Variants in SORCS3 observed in about 807,000 individuals in gnomAD.
The protein encoded by SORCS3 is sortilin related VPS10 domain containing receptor 3, also known as VPS10 domain-containing receptor SorCS3.
SORCS3 carries 57 observed loss-of-function variants against 146.3 expected under a neutral mutation model. That is an observed-to-expected ratio of 0.39 (90% confidence interval 0.31 to 0.49). The LOEUF (loss-of-function observed/expected upper bound fraction) is 0.49. Among genes scored for constraint, SORCS3 ranks in the 20% least tolerant of loss-of-function variants. The pLI is 0.92. For missense variants in SORCS3, 1,341 were observed against 1,575.5 expected (o/e 0.85, Z 2.52); for synonymous variants, 653 against 618.5 (o/e 1.06, Z -0.83).
intron 1 of SORCS3, among the ~76,000 whole-genome samples, chr10:104,795,622 C>T (rs547643352): frequency 6.6e-6 from 1 of 152,180 alleles, no homozygotes; most frequent in South Asian, 2.1e-4. Context: ...GCATTCCTGC[C>T]TTGTCACTAA....
At position 105,167,350 on chromosome 10, in the gene SORCS3, G is replaced by A; in HGVS notation, c.1901+1G>A. 1.2e-6 allele frequency: 2 copies of A among 1,612,498 alleles called. No individual in the cohort carries two copies. The highest frequency in any genetic ancestry group is 1.7e-6 in the Non-Finnish European group (2 of 1,178,870). On this transcript the variant is annotated splice_donor_variant, in intron 13 of 26. Coordinates refer to ENST00000369701, the MANE Select transcript of SORCS3 (RefSeq NM_014978.3). LOFTEE classifies it high-confidence loss of function. ...CACCTCTGCCAGTCAGGCATTTGTG[G>A]TAAGGAGAGCTCCCTACCCTATTAA...
At chr10:105,194,888 T>G (rs2119601257) in intron 14 of SORCS3, among the ~76,000 whole-genome samples, 1 of 152,298 alleles carries the variant, frequency 6.6e-6, no homozygotes, top group East Asian at 1.9e-4. Context: ...GTACCTCAAA[T>G]GTACTAATAA....
At chr10:104,756,845 G>A (rs530005795) in intron 1 of SORCS3, among the ~76,000 whole-genome samples, 8 of 152,308 alleles carry the variant, frequency 5.3e-5, no homozygotes, top group African/African-American at 1.9e-4. Context: ...CTGTGCTAGT[G>A]TATGGGGAAC....
intron 11 of SORCS3, among the ~76,000 whole-genome samples, chr10:105,163,170 A>C (rs1314043861): frequency 6.6e-6 from 1 of 152,218 alleles, no homozygotes; most frequent in East Asian, 1.9e-4. Flanking sequence ...CAAGTTGGCT[A>C]TCTGTGTGCT....
chr10:104,892,941 C>T (rs188305271), intron 2 of SORCS3, among the ~76,000 whole-genome samples: 1 of 152,202 alleles, frequency 6.6e-6, no homozygotes, highest in East Asian at 1.9e-4. Flanking sequence ...CCCTAGGATC[C>T]TCATACATGC....
At chr10:105,201,397 A>G (rs775021442) in intron 16 of SORCS3, 144 bp downstream of exon 16, 4 of 1,010,744 alleles carry the variant, frequency 4.0e-6, no homozygotes, top group Non-Finnish European at 5.7e-6. Flanking sequence ...CATCCATCCC[A>G]GTTACTGGGC....
intron 7 of SORCS3, among the ~76,000 whole-genome samples, chr10:105,107,613 C>T (rs1009825610): frequency 1.6e-4 from 25 of 151,996 alleles, no homozygotes; most frequent in African/African-American, 5.6e-4. Flanking sequence ...AAAAGATATG[C>T]GGTTTCATTA....
At chr10:104,936,019 C>T (rs1525393) in intron 3 of SORCS3, among the ~76,000 whole-genome samples, 41,434 of 151,874 alleles carry the variant, frequency 0.27, 7,187 homozygotes, top group African/African-American at 0.5. Context: ...GGAAACAGGG[C>T]GAAGGCTGGA....
intron 3 of SORCS3, among the ~76,000 whole-genome samples, chr10:104,937,781 G>A (rs1167853996): frequency 1.3e-5 from 2 of 152,220 alleles, no homozygotes; most frequent in Non-Finnish European, 2.9e-5. Context: ...CAGCAAAGTG[G>A]TGGCAGAATG....
At chr10:105,045,041 A>G (rs2055361696) in intron 5 of SORCS3, among the ~76,000 whole-genome samples, 1 of 142,124 alleles carries the variant, frequency 7.0e-6, no homozygotes. Flanking sequence ...AAAAAAAAAA[A>G]GAAAGAAAGA....
At chr10:104,681,751 C>T (rs1307248845) in intron 1 of SORCS3, among the ~76,000 whole-genome samples, 1 of 152,178 alleles carries the variant, frequency 6.6e-6, no homozygotes, top group Non-Finnish European at 1.5e-5. Flanking sequence ...CCCAGTAAAG[C>T]TCCTGCCCCA....
intron 2 of SORCS3, among the ~76,000 whole-genome samples, chr10:104,909,937 A>C (rs965357092): frequency 6.6e-6 from 1 of 151,966 alleles, no homozygotes; most frequent in Non-Finnish European, 1.5e-5. Context: ...TGTCAGTGGG[A>C]AAGTGGCCCT....
At chr10:105,101,691 T>G (rs2055786316) in intron 6 of SORCS3, among the ~76,000 whole-genome samples, 1 of 152,128 alleles carries the variant, frequency 6.6e-6, no homozygotes, top group Non-Finnish European at 1.5e-5. Flanking sequence ...ACTTGCTTCC[T>G]TTTTCAAAGT....
At chr10:105,145,487 T>C (rs1361952990) in intron 8 of SORCS3, among the ~76,000 whole-genome samples, 2 of 152,108 alleles carry the variant, frequency 1.3e-5, no homozygotes, top group African/African-American at 4.8e-5. Flanking sequence ...TTTTCCCATT[T>C]CTTTTACATT....
chr10:105,048,306 T>C (rs1303774560), intron 5 of SORCS3, among the ~76,000 whole-genome samples: 1 of 146,222 alleles, frequency 6.8e-6, no homozygotes. Context: ...AGGGATAGAC[T>C]GGATTAAGAA....
chr10:104,964,599 A>G (rs2054816070), intron 3 of SORCS3, among the ~76,000 whole-genome samples: 1 of 152,294 alleles, frequency 6.6e-6, no homozygotes, highest in South Asian at 2.1e-4. Context: ...GCCTCAGTCA[A>G]TAGGTTGGAT....
At chr10:105,170,201 AG>A (rs1445342133) in intron 13 of SORCS3, among the ~76,000 whole-genome samples, 1 of 152,156 alleles carries the variant, frequency 6.6e-6, no homozygotes, top group African/African-American at 2.4e-5. Flanking sequence ...GATCCACAAA[AG>A]TTTATCTCCA....
At chr10:105,004,774 A>C (rs2055083833) in intron 4 of SORCS3, among the ~76,000 whole-genome samples, 1 of 117,884 alleles carries the variant, frequency 8.5e-6, no homozygotes, top group Non-Finnish European at 1.6e-5. Context: ...AGATGTGGAG[A>C]GCTGTGTGTG....
At chr10:104,883,979 G>A (rs193114140) in intron 2 of SORCS3, among the ~76,000 whole-genome samples, 7 of 149,018 alleles carry the variant, frequency 4.7e-5, no homozygotes, top group South Asian at 2.1e-4. Context: ...GTGGAATGAG[G>A]GGGGGGAAAG....
Sources: allele counts gnomAD v4.1 joint callset (sites outside exome capture counted in the v4.1 genomes callset), GRCh38; gene constraint gnomAD v4.1.1; transcripts MANE v1.5; gene names NCBI Gene and HGNC (gene_info 2026-07-23, HGNC 2026-07-21).